The following VPS33B variants were observed in gnomAD, a reference collection of about 807,000 sequenced individuals.
VPS33B encodes the protein VPS33B late endosome and lysosome associated, also known as vacuolar protein sorting-associated protein 33B.
VPS33B carries 80 observed loss-of-function variants against 95.3 expected under a neutral mutation model. The observed-to-expected ratio is 0.84, with a 90% CI of 0.70 to 1.01. The LOEUF (loss-of-function observed/expected upper bound fraction) is 1.01. VPS33B is among the 50% of genes least tolerant of loss of function. VPS33B has a pLI of 0.00. For missense variants in VPS33B, 715 were observed against 773.4 expected, an observed-to-expected ratio of 0.92 and a Z score of 0.90; for synonymous variants, 280 against 280.4, an observed-to-expected ratio of 1.00 and a Z score of 0.01.
At position 91,013,296 on chromosome 15, in the gene VPS33B, G is replaced by A. The variant is rs1345637115; in HGVS notation, c.357+508C>T. Among the ~76,000 whole-genome samples the A allele has an allele frequency of 6.6e-6, 1 of 152,220 alleles. No homozygotes were observed. On this transcript the variant is annotated intron_variant, in intron 5 of 22. Coordinates refer to ENST00000333371, the MANE Select transcript of VPS33B (RefSeq NM_018668.5). This position sits in a 1 kb window ranked among gnomAD's most constrained non-coding sequence, Gnocchi z 4.5. ...AATGAGGATATGTTAATGAATTGAG[G>A]ATGCGTTAGTGACAGGTATTAGGTT... is the stretch of plus-strand genomic sequence containing the variant.
intron 16 of VPS33B, among the ~76,000 whole-genome samples, chr15:91,003,479 A>G (rs542383667): frequency 2.6e-5 from 4 of 152,126 alleles, no homozygotes; most frequent in South Asian, 2.1e-4. Flanking sequence ...TTGCTCTGTC[A>G]CTCAGGCTGG....
rs1567223106 is a variant in VPS33B, at chr15:91,007,101, A to G, written c.604-55T>C. On this transcript the variant is annotated intron_variant, in intron 8 of 22. Transcript: ENST00000333371. The surrounding 1 kb of genome is among the most constrained non-coding windows in gnomAD (Gnocchi z 5.3). ...GTGTCCAGGTCCCTACTGCAGCCCC[A>G]TACCTACAGAAGTCAGCCCTTTCCA... 6.3e-7 allele frequency: 1 copy of G among 1,585,374 alleles called. No homozygotes were observed. The highest frequency in any genetic ancestry group is 2.2e-5 in the East Asian group (1 of 44,790).
At position 91,006,644 on chromosome 15, in the gene VPS33B, G is replaced by A. The variant is rs1393132724; in HGVS notation, c.778+8C>T. On this transcript the variant is annotated splice_region_variant and intron_variant, in intron 10 of 22. Coordinates refer to ENST00000333371, the MANE Select transcript of VPS33B (RefSeq NM_018668.5). The surrounding 1 kb of genome is among the most constrained non-coding windows in gnomAD (Gnocchi z 5.4). ...TCTTGCCAAGATGCAGAGGACCATA[G>A]CACTTACCACACTTGATGCGGAAGG... is the stretch of plus-strand genomic sequence containing the variant. 1 of 1,614,202 alleles carries A rather than the reference G, an allele frequency of 6.2e-7. No homozygotes were observed. Among genetic ancestry groups the A allele is most frequent in the Non-Finnish European group, 8.5e-7 (1 of 1,180,034 alleles).
rs926841931 is a variant in VPS33B, at chr15:91,007,791, A to G, written c.498+79T>C. ...AAATTACTTGCGTTGGACAAAGGTT[A>G]TATTGGTATTTCTAGCCCTCTGCAT... On this transcript the variant is annotated intron_variant, in intron 7 of 22. Coordinates refer to ENST00000333371, the MANE Select transcript of VPS33B (RefSeq NM_018668.5). This position sits in a 1 kb window ranked among gnomAD's most constrained non-coding sequence, Gnocchi z 5.3. The G allele has an allele frequency of 7.3e-7, 1 of 1,362,646 alleles. No individual in the cohort carries two copies. The highest frequency in any genetic ancestry group is 1.4e-5 in the African/African-American group (1 of 70,022). 84.4% of individuals were successfully genotyped at this position (1,362,646 alleles called of 1,614,324 possible).
In VPS33B at chr15:91,002,535, GCA is replaced by G. The variant is rs2040468896; in HGVS notation, c.1273-355_1273-354del. Reference sequence around the variant, plus strand: ...AGTCTCAGCTCCTCAGGAGGCTGAGGCACAGAAATGCTTGAACCTAGGAGGCA... The same window carrying G: ...AGTCTCAGCTCCTCAGGAGGCTGAGGCAGAAATGCTTGAACCTAGGAGGCA... On this transcript the variant is annotated intron_variant, in intron 17 of 22. Transcript: ENST00000333371. The surrounding 1 kb of genome is among the most constrained non-coding windows in gnomAD (Gnocchi z 4.7). Among the ~76,000 whole-genome samples, 3 of 151,818 alleles carry G rather than the reference GCA, an allele frequency of 2.0e-5. No homozygotes were observed. In the South Asian group the frequency reaches 6.2e-4, roughly 32 times the overall value.
Position 91,007,711 on chromosome 15 carries a change from G to A in VPS33B, c.499-138C>T, listed in dbSNP as rs1223163495. ...AAGGTTTTCATTGGCTCCACAGGAAGTCCCACAGAGACCAATCTGTAGCAC... is the reference window on the plus strand; with the variant it reads ...AAGGTTTTCATTGGCTCCACAGGAAATCCCACAGAGACCAATCTGTAGCAC... On this transcript the variant is annotated intron_variant, in intron 7 of 22. Coordinates refer to ENST00000333371, the MANE Select transcript of VPS33B (RefSeq NM_018668.5). The surrounding 1 kb of genome is among the most constrained non-coding windows in gnomAD (Gnocchi z 5.3). The A allele has an allele frequency of 6.8e-6, 8 of 1,173,104 alleles. No individual in the cohort carries two copies. The highest frequency in any genetic ancestry group is 1.0e-5 in the Non-Finnish European group (8 of 784,762). The allele number at this position is 1,173,104 out of a possible 1,614,324, so 72.7% of individuals were successfully genotyped here.
chr15:91,014,334 ATT>A (rs1555460061), intron 4 of VPS33B, 48 bp downstream of exon 4: 3 of 1,604,382 alleles, frequency 1.9e-6, no homozygotes, highest in Non-Finnish European at 2.6e-6. Context: ...AGGCCCTTAG[ATT>A]TTGCCCGCCC....
Position 91,007,149 on chromosome 15 carries a change from G to C in VPS33B, c.604-103C>G. The stretch of plus-strand genomic sequence containing the variant: ...CCACGTGATACTTCCTCTTGTCCCC[G>C]AGACAGGAGCTAATTATTCACAATA... On this transcript the variant is annotated intron_variant, in intron 8 of 22. Transcript: ENST00000333371. This position sits in a 1 kb window ranked among gnomAD's most constrained non-coding sequence, Gnocchi z 5.3. 1 of 1,257,892 alleles carries C rather than the reference G, an allele frequency of 7.9e-7. No homozygotes were observed. The highest frequency in any genetic ancestry group is 1.1e-6 in the Non-Finnish European group (1 of 871,502). The allele number at this position is 1,257,892 out of a possible 1,614,324, so 77.9% of individuals were successfully genotyped here.
rs201431055 is a variant in VPS33B, at chr15:91,005,050, C to T, written c.1170+5G>A. The T allele has an allele frequency of 4.9e-4, 788 of 1,614,242 alleles. 5 individuals are homozygous for T. The South Asian group carries it at 7.1e-3, about 14-fold the overall frequency. ...CTTGGCACCCCCAGCCCTCCACCTG[C>T]GCACCTGCCGGTCTATGTGTTCCTC... On this transcript the variant is annotated splice_donor_5th_base_variant and intron_variant, in intron 15 of 22. Coordinates refer to ENST00000333371, the MANE Select transcript of VPS33B (RefSeq NM_018668.5). The surrounding 1 kb of genome is among the most constrained non-coding windows in gnomAD (Gnocchi z 6.4).
chr15:91,019,807 T>TC (rs2041051989), intron 1 of VPS33B, among the ~76,000 whole-genome samples: 1 of 122,092 alleles, frequency 8.2e-6, no homozygotes, highest in South Asian at 3.0e-4. Flanking sequence ...ATGTGTAATA[T>TC]AATTTTTTTT....
In VPS33B at chr15:91,013,855, G is replaced by C; in HGVS notation, c.306C>G (p.Asp102Glu). 1.2e-6 allele frequency: 2 copies of C among 1,614,096 alleles called. No individual in the cohort carries two copies. Among genetic ancestry groups the C allele is most frequent in the South Asian group, 1.1e-5 (1 of 91,072 alleles). The change falls in exon 5 of 23, where the codon GAC becomes GAG. Residue 102 changes from aspartate to glutamate, a missense_variant. Asp to Glu is a conservative substitution (Grantham distance 45, BLOSUM62 2). Coordinates refer to ENST00000333371, the MANE Select transcript of VPS33B (RefSeq NM_018668.5). This position sits in a 1 kb window ranked among gnomAD's most constrained non-coding sequence, Gnocchi z 4.5. ...ATTTGCGAGTTCGGCCAGCCAATTTGTCAGCATTGACAAGACCTACAGAGA... is the reference window on the plus strand; with the variant it reads ...ATTTGCGAGTTCGGCCAGCCAATTTCTCAGCATTGACAAGACCTACAGAGA... ...MRYIASLVNA[D>E]KLAGRTRKYK...
In VPS33B at chr15:91,015,967, TTAAG is replaced by T. The variant is rs1270644346; in HGVS notation, c.239+992_239+995del. ...TCTTCTAAGAAAGCATGTACATTAA[TTAAG>T]TTTCAGAAATACTTTAAAATCAAGA... On this transcript the variant is annotated intron_variant, in intron 3 of 22. Coordinates refer to ENST00000333371, the MANE Select transcript of VPS33B (RefSeq NM_018668.5). The surrounding 1 kb of genome is among the most constrained non-coding windows in gnomAD (Gnocchi z 4.7). 6.6e-6 allele frequency among the ~76,000 whole-genome samples: 1 copy of T among 152,214 alleles called. No homozygotes were observed. The highest frequency in any genetic ancestry group is 2.4e-5 in the African/African-American group (1 of 41,456).
rs201698361 is a variant in VPS33B at position 91,005,783 on chromosome 15, C to T, written c.941G>A (p.Arg314His). Residue 314 changes from arginine to histidine, a missense_variant and splice_region_variant, in exon 13 of 23, where the codon CGC becomes CAC. By Grantham distance (29) the Arg-to-His change is conservative (BLOSUM62 0). Transcript: ENST00000333371. The surrounding 1 kb of genome is among the most constrained non-coding windows in gnomAD (Gnocchi z 6.4). The stretch of plus-strand genomic sequence containing the variant: ...CTGCTTAATGTCCATGCCTCTCCGG[C>T]GCTGTGGGAAAATTCCCAAAGGTGA... Reference protein sequence around the residue: ...KARNLQAQYDRRRGMDIKQMK... With the variant: ...KARNLQAQYDHRRGMDIKQMK... 6.2e-5 allele frequency: 100 copies of T among 1,614,046 alleles called. No homozygotes were observed. Among genetic ancestry groups the T allele is most frequent in the Non-Finnish European group, 7.5e-5 (89 of 1,180,054 alleles).
intron 1 of VPS33B, among the ~76,000 whole-genome samples, chr15:91,019,386 G>C (rs1308977700): frequency 6.6e-6 from 1 of 152,248 alleles, no homozygotes; most frequent in East Asian, 1.9e-4. Context: ...CTCCCAAACT[G>C]TTGGGATTAT....
intron 2 of VPS33B, 79 bp from the exon 3 acceptor site, chr15:91,017,103 CTTGAGGGCTTCCTAATTATGCTAATTA>C (rs1380664116): frequency 3.8e-6 from 5 of 1,310,678 alleles, no homozygotes; most frequent in South Asian, 2.4e-5. Flanking sequence ...TAGGGGACTT[CTTGAGGGCTTCCTAATTATGCTAATTA>C]TTGAGGGCTT....
In VPS33B at chr15:91,007,406, C is replaced by CAGG. The variant is rs2040642683; in HGVS notation, c.603+60_603+62dup. Reference sequence around the variant, plus strand: ...TATCACAGGTGCCCTTGGATAACCCCAGGAGGGTACAGAACAGGGAAAACA... The same window carrying CAGG: ...TATCACAGGTGCCCTTGGATAACCCCAGGAGGAGGGTACAGAACAGGGAAAACA... On this transcript the variant is annotated intron_variant, in intron 8 of 22. Coordinates refer to ENST00000333371, the MANE Select transcript of VPS33B (RefSeq NM_018668.5). This position sits in a 1 kb window ranked among gnomAD's most constrained non-coding sequence, Gnocchi z 5.3. 6.7e-7 allele frequency: 1 copy of CAGG among 1,501,916 alleles called. No individual in the cohort carries two copies. Among genetic ancestry groups the CAGG allele is most frequent in the African/African-American group, 1.4e-5 (1 of 72,486 alleles). 93.0% of individuals were successfully genotyped at this position (1,501,916 alleles called of 1,614,324 possible). A position where few individuals can be genotyped will look rare whatever the true frequency, so the allele number is the denominator to read the frequency against.
intron 3 of VPS33B, among the ~76,000 whole-genome samples, chr15:91,016,142 T>C (rs558685703): frequency 6.6e-6 from 1 of 152,092 alleles, no homozygotes; most frequent in African/African-American, 2.4e-5. Context: ...GGACATTCTT[T>C]ATAGGAGCAG....
At chr15:91,021,378 TA>T (rs1195927892) in intron 1 of VPS33B, among the ~76,000 whole-genome samples, 2 of 152,212 alleles carry the variant, frequency 1.3e-5, no homozygotes, top group African/African-American at 2.4e-5. Flanking sequence ...AACCAATCAG[TA>T]AGTCTTTGAG....
At chr15:91,021,644 G>A (rs1184935869) in intron 1 of VPS33B, among the ~76,000 whole-genome samples, 1 of 152,100 alleles carries the variant, frequency 6.6e-6, no homozygotes, top group Non-Finnish European at 1.5e-5. Flanking sequence ...TCTTTCCCTG[G>A]TTTGCCAACT....
Sources: allele counts gnomAD v4.1 joint callset (sites outside exome capture counted in the v4.1 genomes callset), GRCh38; gene constraint gnomAD v4.1.1; non-coding constraint Gnocchi (gnomAD v3.1); transcripts MANE v1.5; gene names NCBI Gene and HGNC (gene_info 2026-07-23, HGNC 2026-07-21).